Variants in CACNA1C observed in about 807,000 individuals in gnomAD.
CACNA1C encodes calcium voltage-gated channel subunit alpha1 C, also known as voltage-dependent L-type calcium channel subunit alpha-1C.
A neutral mutation model predicts 229.0 loss-of-function variants in CACNA1C; 30 were observed. That is an observed-to-expected ratio of 0.13 (90% CI 0.10 to 0.18). The LOEUF is 0.18. Among genes scored for constraint, CACNA1C ranks in the 10% least tolerant of loss-of-function variants. The pLI is 1.00. For missense variants in CACNA1C, 1,658 were observed against 2,845.0 expected, an observed-to-expected ratio of 0.58 and a Z score of 9.49; for synonymous variants, 1,114 against 1,132.5, an observed-to-expected ratio of 0.98 and a Z score of 0.33.
At chr12:2,128,787 T>A (rs1354716946) in intron 3 of CACNA1C, among the ~76,000 whole-genome samples, 1 of 152,230 alleles carries the variant, frequency 6.6e-6, no homozygotes, top group Non-Finnish European at 1.5e-5. Flanking sequence ...CTTCACACCA[T>A]GTGCAGATGC....
chr12:2,344,870 GCAGAATTGGA>G (rs1469685317), intron 3 of CACNA1C, among the ~76,000 whole-genome samples: 2 of 151,954 alleles, frequency 1.3e-5, no homozygotes, highest in African/African-American at 4.8e-5. Context: ...CATAGTGGTG[GCAGAATTGGA>G]CAGATTTAAC....
At chr12:2,225,642 T>C (rs1289525145) in intron 3 of CACNA1C, among the ~76,000 whole-genome samples, 1 of 152,188 alleles carries the variant, frequency 6.6e-6, no homozygotes, top group Non-Finnish European at 1.5e-5. Context: ...TGGGTTTCTG[T>C]CACTGTCTCT....
chr12:2,680,492 C>T (rs1459418382), intron 42 of CACNA1C: 10 of 1,569,542 alleles, frequency 6.4e-6, no homozygotes, highest in South Asian at 3.5e-5. Flanking sequence ...CACCCTGCAT[C>T]GTGCCTGGCC....
At chr12:2,190,423 G>A (rs1316760499) in intron 3 of CACNA1C, among the ~76,000 whole-genome samples, 1 of 152,086 alleles carries the variant, frequency 6.6e-6, no homozygotes, top group Non-Finnish European at 1.5e-5. Flanking sequence ...ATTGGGTCTG[G>A]TTTTCTGTTT....
chr12:2,446,368 GTGGATGGATGGA>G (rs368724942), intron 3 of CACNA1C, among the ~76,000 whole-genome samples: 1 of 140,686 alleles, frequency 7.1e-6, no homozygotes, highest in African/African-American at 2.6e-5. Context: ...GTGTGGGTGG[GTGGATGGATGGA>G]TGGATGGATG....
rs181861846 is a variant in CACNA1C, at chr12:2,241,844, G to A, written c.477+121414G>A. 2.0e-5 allele frequency among the ~76,000 whole-genome samples: 3 copies of A among 152,320 alleles called. No individual in the cohort carries two copies. The East Asian group carries it at 5.8e-4, about 29-fold the overall frequency. On this transcript the variant is annotated intron_variant, in intron 3 of 46. Transcript: ENST00000399655. Reference sequence around the variant, plus strand: ...ATTCCCAGAGAACTCAGTGTGCCTGGCACGCAGTGGGTCCGCAGTAAATTT... The same window carrying A: ...ATTCCCAGAGAACTCAGTGTGCCTGACACGCAGTGGGTCCGCAGTAAATTT...
intron 3 of CACNA1C, among the ~76,000 whole-genome samples, chr12:2,208,003 A>G (rs549406347): frequency 1.3e-5 from 2 of 152,354 alleles, no homozygotes; most frequent in African/African-American, 2.4e-5. Flanking sequence ...TATAAGGAAC[A>G]TAACAAATAG....
At chr12:2,078,967 A>G (rs1198120368) in intron 1 of CACNA1C, among the ~76,000 whole-genome samples, 1 of 151,900 alleles carries the variant, frequency 6.6e-6, no homozygotes, top group Non-Finnish European at 1.5e-5. Context: ...TGATGAGTTC[A>G]TGTCCTTTGT....
chr12:2,001,518 G>A (rs754774436), intron 1 of CACNA1C, among the ~76,000 whole-genome samples: 3 of 152,152 alleles, frequency 2.0e-5, no homozygotes, highest in Non-Finnish European at 4.4e-5. Context: ...CACACTGTCT[G>A]ACACAAACTA....
rs372165884 is a variant in CACNA1C at position 2,278,117 on chromosome 12, T to C, written c.477+157687T>C. ...AATTCCATAGGAATAAACCAATGGG[T>C]GGAGTCACCAAATATCCAGATGTTT... On this transcript the variant is annotated intron_variant, in intron 3 of 46. Transcript: ENST00000399655. 7.2e-4 allele frequency among the ~76,000 whole-genome samples: 110 copies of C among 152,330 alleles called. 1 individual carries two copies. In the South Asian group the frequency reaches 0.022, roughly 31 times the overall value.
chr12:2,198,487 G>T (rs531113166), intron 3 of CACNA1C, among the ~76,000 whole-genome samples: 242 of 152,304 alleles, frequency 1.6e-3, no homozygotes, highest in Middle Eastern at 3.4e-3. Context: ...CACCTATATG[G>T]GGGTGTAATC....
chr12:2,041,539 G>A (rs2050115214), intron 1 of CACNA1C, among the ~76,000 whole-genome samples: 1 of 152,086 alleles, frequency 6.6e-6, no homozygotes, highest in South Asian at 2.1e-4. Context: ...GCCTCCCAAA[G>A]TGCTGGGATT....
Position 2,679,988 on chromosome 12 carries a change from C to G in CACNA1C, c.5444+192C>G, listed in dbSNP as rs866453888. Among the ~76,000 whole-genome samples, 3 of 152,204 alleles carry G rather than the reference C, an allele frequency of 2.0e-5. No individual in the cohort carries two copies. Among genetic ancestry groups the G allele is most frequent in the African/African-American group, 7.2e-5 (3 of 41,458 alleles). ...AAGTCCTGCCCTTGATCAGACCTGG[C>G]AGGCTCAGGGCAAGTCAGCAGTGGC... is the stretch of plus-strand genomic sequence containing the variant. On this transcript the variant is annotated intron_variant, in intron 42 of 46. Transcript: ENST00000399655. This position sits in a 1 kb window ranked among gnomAD's most constrained non-coding sequence, Gnocchi z 5.5.
chr12:2,521,514 G>T (rs1436662415), intron 9 of CACNA1C, among the ~76,000 whole-genome samples: 1 of 152,172 alleles, frequency 6.6e-6, no homozygotes, highest in Non-Finnish European at 1.5e-5. Context: ...AGGGCCTGGA[G>T]GACAGCATCC....
At chr12:2,021,731 A>G (rs899915745) in intron 1 of CACNA1C, among the ~76,000 whole-genome samples, 1 of 152,170 alleles carries the variant, frequency 6.6e-6, no homozygotes, top group Admixed American at 6.5e-5. Context: ...GGGAAGTCCA[A>G]GATCTAGGCG....
Position 2,067,920 on chromosome 12 carries a change from C to A in CACNA1C, c.49+14309C>A, listed in dbSNP as rs116899876. Among the ~76,000 whole-genome samples, 1 of 152,236 alleles carries A rather than the reference C, an allele frequency of 6.6e-6. No homozygotes were observed. The highest frequency in any genetic ancestry group is 1.5e-5 in the Non-Finnish European group (1 of 68,006). On this transcript the variant is annotated intron_variant, in intron 1 of 46. Coordinates refer to ENST00000399655, the MANE Select transcript of CACNA1C (RefSeq NM_000719.7). The surrounding 1 kb of genome is among the most constrained non-coding windows in gnomAD (Gnocchi z 5.3). The stretch of plus-strand genomic sequence containing the variant: ...CTATGATATTGGCTCTCTGGAGAAC[C>A]GGTTAGCCTTTGTGGAGTGTTAAGC...
intron 3 of CACNA1C, among the ~76,000 whole-genome samples, chr12:2,194,565 G>A (rs1166128851): frequency 1.3e-5 from 2 of 151,950 alleles, no homozygotes; most frequent in Admixed American, 6.6e-5. Flanking sequence ...TTGCTCTTGG[G>A]TCTCCTTGCC....
intron 3 of CACNA1C, among the ~76,000 whole-genome samples, chr12:2,303,966 T>C (rs1163593608): frequency 1.3e-5 from 2 of 152,226 alleles, no homozygotes; most frequent in African/African-American, 4.8e-5. Context: ...GCTTGGCGTC[T>C]GGTGTGGAGT....
At chr12:2,293,291 G>A (rs2093690936) in intron 3 of CACNA1C, among the ~76,000 whole-genome samples, 1 of 152,220 alleles carries the variant, frequency 6.6e-6, no homozygotes, top group Admixed American at 6.5e-5. Flanking sequence ...GATGTCAAAT[G>A]CCTTTTTGCC....
Sources: gnomAD v4.1 joint callset for allele counts (sites outside exome capture counted in the v4.1 genomes callset) on GRCh38, gnomAD v4.1.1 for gene constraint, Gnocchi (gnomAD v3.1) non-coding constraint, MANE v1.5 for transcripts, NCBI Gene and HGNC (gene_info 2026-07-23, HGNC 2026-07-21) for gene names.